The following RSRC1 variants were observed in gnomAD, a reference collection of about 807,000 sequenced individuals.
RSRC1 encodes arginine and serine rich coiled-coil 1.
A neutral mutation model predicts 49.1 loss-of-function variants in RSRC1; 39 were observed. That is an observed-to-expected ratio of 0.79 (90% CI 0.61 to 1.04). The LOEUF (loss-of-function observed/expected upper bound fraction) is 1.04. RSRC1 is among the 50% of genes least tolerant of loss of function. The pLI, the probability that RSRC1 is intolerant of heterozygous loss-of-function variation, is 0.00. For synonymous variants in RSRC1, 143 were observed against 130.8 expected (o/e 1.09, Z -0.63); for missense variants, 388 against 402.4 (o/e 0.96, Z 0.31).
chr3:158,532,570 T>C (rs1375724261), intron 7 of RSRC1, among the ~76,000 whole-genome samples: 1 of 151,876 alleles, frequency 6.6e-6, no homozygotes, highest in African/African-American at 2.4e-5. Context: ...CAGTAACTAA[T>C]ACAATTTTTT....
intron 3 of RSRC1, among the ~76,000 whole-genome samples, chr3:158,124,279 C>T (rs1715474696): frequency 6.6e-6 from 1 of 152,030 alleles, no homozygotes; most frequent in East Asian, 1.9e-4. Flanking sequence ...TTCTTTTTTT[C>T]AGCCCGGTGG....
At chr3:158,399,462 T>C (rs887860781) in intron 6 of RSRC1, among the ~76,000 whole-genome samples, 1 of 151,504 alleles carries the variant, frequency 6.6e-6, no homozygotes. Context: ...GGCCCTATTA[T>C]TTCCTTTTTA....
At chr3:158,455,979 C>CAAAAAAAAAAAAAAAAAAA (rs765828003) in intron 6 of RSRC1, among the ~76,000 whole-genome samples, 2 of 56,496 alleles carry the variant, frequency 3.5e-5, no homozygotes, top group Admixed American at 3.4e-4. Flanking sequence ...GACTCCATCT[C>CAAAAAAAAAAAAAAAAAAA]AAAAAAAAAA....
intron 7 of RSRC1, among the ~76,000 whole-genome samples, chr3:158,529,877 A>G (rs1274848037): frequency 6.6e-6 from 1 of 151,938 alleles, no homozygotes; most frequent in Non-Finnish European, 1.5e-5. Context: ...CTGGGTAACC[A>G]TATGTCAGCA....
chr3:158,404,332 A>C (rs1386686931), intron 6 of RSRC1, among the ~76,000 whole-genome samples: 1 of 151,910 alleles, frequency 6.6e-6, no homozygotes, highest in Non-Finnish European at 1.5e-5. Flanking sequence ...ATTGTTTTTC[A>C]TTCCAGCAAA....
chr3:158,429,540 G>A (rs1378330497), intron 6 of RSRC1, among the ~76,000 whole-genome samples: 1 of 143,686 alleles, frequency 7.0e-6, no homozygotes, highest in Non-Finnish European at 1.5e-5. Context: ...ATATAATGCT[G>A]TCTTTTCATG....
chr3:158,340,963 G>C lies in RSRC1; in HGVS notation c.532-13894G>C, dbSNP rs1730204390. On this transcript the variant is annotated intron_variant, in intron 5 of 9. Coordinates refer to ENST00000611884, the MANE Select transcript of RSRC1 (RefSeq NM_001271838.2). ...GGGAACTGGAGCAAAGGTGACTCTT[G>C]TTATGTTTTAGCAGAGAGACTGGTG... Among the ~76,000 whole-genome samples the C allele has an allele frequency of 2.0e-5, 3 of 152,178 alleles. No homozygotes were observed. The South Asian group carries it at 6.2e-4, about 32-fold the overall frequency.
chr3:158,118,889 G>C (rs921059729), intron 1 of RSRC1, among the ~76,000 whole-genome samples: 1 of 152,178 alleles, frequency 6.6e-6, no homozygotes, highest in South Asian at 2.1e-4. Context: ...CTTTTCTTAG[G>C]TGTTGTTCAG....
intron 7 of RSRC1, among the ~76,000 whole-genome samples, chr3:158,524,351 C>T (rs748083058): frequency 2.6e-4 from 39 of 152,124 alleles, no homozygotes; most frequent in Non-Finnish European, 4.9e-4. Context: ...CTGCTGCAGG[C>T]TTCACCTTCA....
At chr3:158,312,347 GAAATATGTGTTTCTTCAAC>G (rs1258422510) in intron 5 of RSRC1, among the ~76,000 whole-genome samples, 4 of 151,958 alleles carry the variant, frequency 2.6e-5, no homozygotes, top group Non-Finnish European at 5.9e-5. Context: ...TGGAACTTCA[GAAATATGTGTTTCTTCAAC>G]AAATATTTGT....
At chr3:158,193,371 T>A (rs1720353314) in intron 3 of RSRC1, among the ~76,000 whole-genome samples, 2 of 152,114 alleles carry the variant, frequency 1.3e-5, no homozygotes, top group Non-Finnish European at 2.9e-5. Flanking sequence ...AGTATATTTT[T>A]TTAATAAAAA....
chr3:158,354,811 C>G (rs373008107), intron 5 of RSRC1, 46 bp from the exon 6 acceptor site: 42 of 1,437,720 alleles, frequency 2.9e-5, no homozygotes, highest in Admixed American at 2.5e-5. Context: ...TAAAACTGAC[C>G]TGTAAAAGTC....
chr3:158,325,920 A>T (rs1012944853), intron 5 of RSRC1, among the ~76,000 whole-genome samples: 44 of 152,246 alleles, frequency 2.9e-4, no homozygotes, highest in African/African-American at 9.6e-4. Context: ...AGTGGATTGT[A>T]GTTCTCCTTG....
intron 7 of RSRC1, among the ~76,000 whole-genome samples, chr3:158,485,872 A>G (rs1738798252): frequency 1.3e-5 from 2 of 152,202 alleles, no homozygotes; most frequent in Non-Finnish European, 2.9e-5. Flanking sequence ...AACTTTAATT[A>G]AAAAGAATTT....
At chr3:158,148,920 A>G (rs1243285516) in intron 3 of RSRC1, among the ~76,000 whole-genome samples, 1 of 151,866 alleles carries the variant, frequency 6.6e-6, no homozygotes, top group Non-Finnish European at 1.5e-5. Flanking sequence ...AGTAGCTGAG[A>G]TTACAGGCAC....
intron 8 of RSRC1, among the ~76,000 whole-genome samples, chr3:158,538,711 T>C (rs1002537901): frequency 3.3e-5 from 5 of 151,974 alleles, no homozygotes; most frequent in African/African-American, 1.2e-4. Context: ...AAAGCATGCA[T>C]TGAAAGGTAG....
At chr3:158,522,131 T>A (rs116177129) in intron 7 of RSRC1, among the ~76,000 whole-genome samples, 2 of 152,256 alleles carry the variant, frequency 1.3e-5, no homozygotes, top group African/African-American at 4.8e-5. Flanking sequence ...ATATTTTAAT[T>A]GAAAAAATTA....
At chr3:158,202,145 G>A (rs1721081596) in intron 3 of RSRC1, among the ~76,000 whole-genome samples, 1 of 152,100 alleles carries the variant, frequency 6.6e-6, no homozygotes, top group African/African-American at 2.4e-5. Context: ...TTCTTGAGTA[G>A]CTGGGATTAC....
At chr3:158,325,510 G>T (rs545860488) in intron 5 of RSRC1, among the ~76,000 whole-genome samples, 1 of 152,068 alleles carries the variant, frequency 6.6e-6, no homozygotes, top group Non-Finnish European at 1.5e-5. Flanking sequence ...GCTTGTTTTT[G>T]TCAGGTTTGT....
Sources: allele counts gnomAD v4.1 joint callset (sites outside exome capture counted in the v4.1 genomes callset), GRCh38; gene constraint gnomAD v4.1.1; transcripts MANE v1.5; gene names NCBI Gene and HGNC (gene_info 2026-07-23, HGNC 2026-07-21).